PDE8B: variants seen among roughly 807,000 people sequenced by gnomAD.
The protein encoded by PDE8B is high affinity cAMP-specific and IBMX-insensitive 3',5'-cyclic phosphodiesterase 8B.
PDE8B carries 26 observed loss-of-function variants against 101.3 expected under a neutral mutation model. The ratio of observed to expected loss-of-function variants is 0.26; its 90% CI spans 0.19 to 0.36. The LOEUF is 0.36. Ranked by LOEUF, PDE8B falls within the 10% of genes least tolerant of loss-of-function variation. The probability of loss-of-function intolerance (pLI) is 1.00; values close to 1 mark genes in which losing one functional copy is unlikely to be tolerated. For missense variants in PDE8B, 810 were observed against 1,163.1 expected (o/e 0.70, Z 4.42); for synonymous variants, 424 against 429.3 (o/e 0.99, Z 0.15).
the PDE8B span, among the ~76,000 whole-genome samples, chr5:77,099,021 C>T: frequency 6.6e-6 from 1 of 152,322 alleles, no homozygotes; most frequent in Non-Finnish European, 1.5e-5. Flanking sequence ...TTTGGGGACA[C>T]ATTCAAACCA....
intron 1 of PDE8B, among the ~76,000 whole-genome samples, chr5:77,309,525 G>A (rs1375286760): frequency 6.6e-6 from 1 of 151,482 alleles, no homozygotes; most frequent in Non-Finnish European, 1.5e-5. Context: ...GTTGGAGGGG[G>A]CTTTTGTGTG....
intron 10 of PDE8B, among the ~76,000 whole-genome samples, chr5:77,382,122 C>A (rs1180697345): frequency 4.6e-5 from 7 of 152,186 alleles, no homozygotes; most frequent in Admixed American, 1.3e-4. Context: ...TTATGAAAAT[C>A]TTTAACCATA....
intron 10 of PDE8B, among the ~76,000 whole-genome samples, chr5:77,363,997 T>G (rs907159837): frequency 1.3e-5 from 2 of 152,258 alleles, no homozygotes; most frequent in East Asian, 1.9e-4. Context: ...TGGATGGGCC[T>G]GTTTACGTGA....
intron 10 of PDE8B, among the ~76,000 whole-genome samples, chr5:77,372,434 A>G (rs561011506): frequency 1.3e-5 from 2 of 152,316 alleles, no homozygotes; most frequent in African/African-American, 4.8e-5. Flanking sequence ...GTGCTGGCCT[A>G]TTAAATGATC....
At chr5:77,346,682 A>C (rs1334917425) in intron 7 of PDE8B, among the ~76,000 whole-genome samples, 2 of 152,216 alleles carry the variant, frequency 1.3e-5, no homozygotes, top group Non-Finnish European at 1.5e-5. Context: ...AGGTGGAAGG[A>C]GAGTCACTGC....
At chr5:77,425,558 CAAAA>C (rs953404757) in intron 20 of PDE8B, among the ~76,000 whole-genome samples, 15 of 151,798 alleles carry the variant, frequency 9.9e-5, no homozygotes, top group African/African-American at 2.9e-4. Flanking sequence ...GTCTCAAAAA[CAAAA>C]AAAGAGGCTT....
At chr5:77,390,025 G>T (rs1363730474) in intron 10 of PDE8B, among the ~76,000 whole-genome samples, 1 of 152,128 alleles carries the variant, frequency 6.6e-6, no homozygotes, top group African/African-American at 2.4e-5. Flanking sequence ...TTTCCAAAGT[G>T]GTTGTACAAT....
At chr5:77,312,137 T>G in intron 2 of PDE8B, 84 bp downstream of exon 2, 1 of 956,076 alleles carries the variant, frequency 1.0e-6, no homozygotes, top group Non-Finnish European at 1.6e-6. Context: ...GGAGCCTCCT[T>G]CTGTTGCCCA....
chr5:77,217,806 G>C (rs537941256), intron 1 of PDE8B, among the ~76,000 whole-genome samples: 6 of 152,156 alleles, frequency 3.9e-5, no homozygotes, highest in Non-Finnish European at 8.8e-5. Context: ...AAAGTGCTGG[G>C]ATTACAGGCG....
intron 10 of PDE8B, among the ~76,000 whole-genome samples, chr5:77,363,983 CAT>C (rs1005572203): frequency 2.0e-5 from 3 of 152,136 alleles, no homozygotes; most frequent in African/African-American, 7.2e-5. Flanking sequence ...TAGATCATGT[CAT>C]GTGGATGGGC....
chr5:77,407,819 C>T (rs1204152094), intron 13 of PDE8B, among the ~76,000 whole-genome samples: 1 of 151,970 alleles, frequency 6.6e-6, no homozygotes. Flanking sequence ...TTGCAATGGG[C>T]GAAGAGGGAC....
the PDE8B span, among the ~76,000 whole-genome samples, chr5:77,166,414 G>C: frequency 6.6e-6 from 1 of 152,148 alleles, no homozygotes; most frequent in African/African-American, 2.4e-5. Flanking sequence ...AGTACACACA[G>C]AGAGGAAAAT....
intron 10 of PDE8B, among the ~76,000 whole-genome samples, chr5:77,398,112 C>T (rs909764634): frequency 3.3e-5 from 5 of 151,920 alleles, no homozygotes; most frequent in Admixed American, 2.0e-4. Flanking sequence ...TTAGATCCCT[C>T]GTGTGGCAAG....
the PDE8B span, among the ~76,000 whole-genome samples, chr5:77,190,008 G>A: frequency 6.6e-6 from 1 of 152,218 alleles, no homozygotes. Flanking sequence ...AAAAGATCTA[G>A]GGTGACATTA....
chr5:77,156,507 T>C, the PDE8B span, among the ~76,000 whole-genome samples: 1 of 152,182 alleles, frequency 6.6e-6, no homozygotes, highest in Non-Finnish European at 1.5e-5. Context: ...AAGTGCCTAT[T>C]ACGTACTGCT....
intron 10 of PDE8B, among the ~76,000 whole-genome samples, chr5:77,371,189 C>T (rs2150680279): frequency 6.6e-6 from 1 of 152,232 alleles, no homozygotes; most frequent in South Asian, 2.1e-4. Context: ...CCTAAGAAAA[C>T]TTTACCTACC....
At chr5:77,386,682 G>A (rs1463544800) in intron 10 of PDE8B, among the ~76,000 whole-genome samples, 2 of 151,912 alleles carry the variant, frequency 1.3e-5, no homozygotes, top group East Asian at 1.9e-4. Flanking sequence ...TTGCACATGA[G>A]ATGAGTCTCC....
chr5:77,320,680 G>A lies in PDE8B; in HGVS notation c.400-4859G>A, dbSNP rs571717745. The stretch of plus-strand genomic sequence containing the variant: ...AGTCATCGATAAATATTCTTTGAAC[G>A]AATGTTGAGGATATTATTTTGAGCA... On this transcript the variant is annotated intron_variant, in intron 2 of 21. Coordinates refer to ENST00000264917, the MANE Select transcript of PDE8B (RefSeq NM_003719.5). 2.6e-5 allele frequency among the ~76,000 whole-genome samples: 4 copies of A among 152,190 alleles called. No homozygotes were observed. In the East Asian group the frequency reaches 7.7e-4, roughly 29 times the overall value.
chr5:77,353,899 T>G (rs1781613184), intron 10 of PDE8B, among the ~76,000 whole-genome samples: 1 of 152,210 alleles, frequency 6.6e-6, no homozygotes, highest in Non-Finnish European at 1.5e-5. Flanking sequence ...AAGAACTTTT[T>G]AAGGTAATTT....
Sources: allele counts gnomAD v4.1 joint callset (sites outside exome capture counted in the v4.1 genomes callset), GRCh38; gene constraint gnomAD v4.1.1; transcripts MANE v1.5; gene names NCBI Gene and HGNC (gene_info 2026-07-23, HGNC 2026-07-21).